The following CDH22 variants were observed in gnomAD, a reference collection of about 807,000 sequenced individuals.
CDH22 encodes cadherin-22.
A neutral mutation model predicts 58.4 loss-of-function variants in CDH22; 30 were observed. The ratio of observed to expected loss-of-function variants is 0.51; its 90% CI spans 0.38 to 0.70. The LOEUF is 0.70. Ranked by LOEUF, CDH22 falls within the 30% of genes least tolerant of loss-of-function variation. CDH22 has a pLI of 0.00. For synonymous variants in CDH22, 513 were observed against 558.2 expected (o/e 0.92, Z 1.14); for missense variants, 1,014 against 1,233.9 (o/e 0.82, Z 2.67).
At chr20:46,261,438 G>T (rs1448206996) in intron 1 of CDH22, among the ~76,000 whole-genome samples, 7 of 152,216 alleles carry the variant, frequency 4.6e-5, no homozygotes, top group African/African-American at 1.7e-4. Flanking sequence ...CCTGAGTCAA[G>T]AAGAGTGAAG....
intron 1 of CDH22, among the ~76,000 whole-genome samples, chr20:46,268,729 C>T (rs1178825025): frequency 6.6e-6 from 1 of 152,172 alleles, no homozygotes; most frequent in Non-Finnish European, 1.5e-5. Context: ...GGGCCAAGGC[C>T]GAGAGGTCAT....
intron 4 of CDH22, among the ~76,000 whole-genome samples, chr20:46,221,994 A>G (rs973748784): frequency 1.3e-5 from 2 of 152,184 alleles, no homozygotes; most frequent in Admixed American, 1.3e-4. Flanking sequence ...GGGGCCAGAC[A>G]GATATGGGCT....
At chr20:46,195,422 G>A (rs886641193) in intron 8 of CDH22, among the ~76,000 whole-genome samples, 1 of 152,226 alleles carries the variant, frequency 6.6e-6, no homozygotes, top group African/African-American at 2.4e-5. Context: ...GCAGGGTGCT[G>A]TGAGACGTGA....
rs577959367 is a variant in CDH22, at chr20:46,227,285, C to T, written c.670+223G>A. Among the ~76,000 whole-genome samples the T allele has an allele frequency of 7.9e-5, 12 of 152,338 alleles. 3 individuals are homozygous for T. Among genetic ancestry groups the T allele is most frequent in the South Asian group, 6.2e-4 (3 of 4,832 alleles). ...TCTCTTCCAGTTTTGGAAGAACCCC[C>T]CACCCCATTCCTTTTCTGTTCCTCA... On this transcript the variant is annotated intron_variant, in intron 4 of 11. Transcript: ENST00000537909.
At chr20:46,225,991 C>T (rs985998777) in intron 4 of CDH22, among the ~76,000 whole-genome samples, 3 of 152,116 alleles carry the variant, frequency 2.0e-5, no homozygotes, top group Admixed American at 6.5e-5. Context: ...CATCAACTCC[C>T]CCCAACCCCA....
intron 7 of CDH22, among the ~76,000 whole-genome samples, chr20:46,208,664 G>A (rs1478585815): frequency 6.6e-6 from 1 of 151,838 alleles, no homozygotes; most frequent in Non-Finnish European, 1.5e-5. Context: ...GTGCAATCTC[G>A]GCTCACTGCA....
chr20:46,228,335 AC>A (rs1448617551), intron 3 of CDH22, among the ~76,000 whole-genome samples: 2 of 152,020 alleles, frequency 1.3e-5, no homozygotes, highest in East Asian at 3.9e-4. Flanking sequence ...CAGACAGCCC[AC>A]CCCCAGACAC....
At position 46,221,723 on chromosome 20, in the gene CDH22, G is replaced by C. The variant is rs968007046; in HGVS notation, c.671-4730C>G. On this transcript the variant is annotated intron_variant, in intron 4 of 11. Coordinates refer to ENST00000537909, the MANE Select transcript of CDH22 (RefSeq NM_021248.3). ...TAGTAAGCAGCCGTGTGCAGGGCGG[G>C]GAGGAATTGATAACATATTTTCCTA... 2.0e-5 allele frequency among the ~76,000 whole-genome samples: 3 copies of C among 152,158 alleles called. No individual in the cohort carries two copies. In the South Asian group the frequency reaches 6.2e-4, roughly 31 times the overall value.
Position 46,186,891 on chromosome 20 carries a change from C to G in CDH22, c.1480G>C (p.Asp494His). The G allele has an allele frequency of 6.2e-7, 1 of 1,611,906 alleles. No individual in the cohort carries two copies. The highest frequency in any genetic ancestry group is 8.5e-7 in the Non-Finnish European group (1 of 1,178,936). Residue 494 changes from aspartate to histidine, a missense_variant, in exon 9 of 12, where the codon GAC becomes CAC. Transcript: ENST00000537909. Reference protein sequence around the residue: ...SLRIRILDVNDNPPELATPYE... With the variant: ...SLRIRILDVNHNPPELATPYE... ...GGTGTGGCCAGTTCTGGGGGATTGTCGTTCACATCCAGGATTCGGATCCTT... is the reference window on the plus strand; with the variant it reads ...GGTGTGGCCAGTTCTGGGGGATTGTGGTTCACATCCAGGATTCGGATCCTT...
At chr20:46,220,112 A>G (rs948800554) in intron 4 of CDH22, among the ~76,000 whole-genome samples, 2 of 150,820 alleles carry the variant, frequency 1.3e-5, no homozygotes, top group African/African-American at 4.9e-5. Context: ...GAGGAAGGGA[A>G]GAAAGGAAGG....
At chr20:46,257,431 G>A (rs904008684) in intron 1 of CDH22, among the ~76,000 whole-genome samples, 1 of 152,184 alleles carries the variant, frequency 6.6e-6, no homozygotes, top group African/African-American at 2.4e-5. Context: ...GGGGAGCAGC[G>A]GAGATGCTGA....
chr20:46,268,654 C>T (rs950002256), intron 1 of CDH22, among the ~76,000 whole-genome samples: 4 of 152,214 alleles, frequency 2.6e-5, no homozygotes, highest in Admixed American at 6.5e-5. Flanking sequence ...GACTCCAGCA[C>T]GGCCGGCCGC....
At chr20:46,270,671 G>T (rs958137576) in intron 1 of CDH22, among the ~76,000 whole-genome samples, 2 of 152,152 alleles carry the variant, frequency 1.3e-5, no homozygotes, top group African/African-American at 4.8e-5. Context: ...ATACTCCAGG[G>T]GCTCTGTGCA....
chr20:46,276,081 G>A (rs1000289343), intron 1 of CDH22, among the ~76,000 whole-genome samples: 10 of 152,196 alleles, frequency 6.6e-5, no homozygotes, highest in Non-Finnish European at 1.5e-4. Context: ...TGGGGGCAGA[G>A]GAGAGATGCT....
At chr20:46,246,316 C>G (rs1401122127) in intron 2 of CDH22, among the ~76,000 whole-genome samples, 1 of 152,184 alleles carries the variant, frequency 6.6e-6, no homozygotes, top group East Asian at 1.9e-4. Context: ...TAAATATTAG[C>G]AACTTAATTA....
At position 46,301,685 on chromosome 20, in the gene CDH22, C is replaced by T. The variant is rs1170723182; in HGVS notation, c.-400+6570G>A. 4.0e-5 allele frequency among the ~76,000 whole-genome samples: 6 copies of T among 151,886 alleles called. No homozygotes were observed. In the South Asian group the frequency reaches 6.3e-4, roughly 16 times the overall value. On this transcript the variant is annotated intron_variant, in intron 1 of 11. Coordinates refer to ENST00000537909, the MANE Select transcript of CDH22 (RefSeq NM_021248.3). The stretch of plus-strand genomic sequence containing the variant: ...AATTGGCCGGGTGTTGTGGTGGGCA[C>T]CTGTAATCCCAGCTACTCGGGAGGC...
chr20:46,255,872 G>A (rs1023043892), intron 1 of CDH22, among the ~76,000 whole-genome samples: 4 of 152,168 alleles, frequency 2.6e-5, no homozygotes, highest in Non-Finnish European at 4.4e-5. Context: ...ATGAGACCTG[G>A]GGCACGTTGG....
chr20:46,288,286 A>G (rs377194514), intron 1 of CDH22, among the ~76,000 whole-genome samples: 4 of 152,084 alleles, frequency 2.6e-5, no homozygotes, highest in Non-Finnish European at 5.9e-5. Context: ...TCTCTCCCCT[A>G]TGTGTCCACA....
chr20:46,254,668 A>G (rs962626119), intron 1 of CDH22, among the ~76,000 whole-genome samples: 1 of 152,194 alleles, frequency 6.6e-6, no homozygotes, highest in Non-Finnish European at 1.5e-5. Flanking sequence ...GGAGTGGTAA[A>G]CATTGAGAAG....
Sources: gnomAD v4.1 joint callset for allele counts (sites outside exome capture counted in the v4.1 genomes callset) on GRCh38, gnomAD v4.1.1 for gene constraint, MANE v1.5 for transcripts, NCBI Gene and HGNC (gene_info 2026-07-23, HGNC 2026-07-21) for gene names.